The following CNBD1 variants were observed in gnomAD, a reference collection of about 807,000 sequenced individuals.
CNBD1 encodes cyclic nucleotide binding domain containing 1.
In CNBD1, 71 loss-of-function variants were observed where a neutral mutation model predicts 54.4. That is an observed-to-expected ratio of 1.30 (90% CI 1.08 to 1.59). CNBD1 has a LOEUF of 1.59. CNBD1 is among the 40% of genes most tolerant of loss of function. CNBD1 has a pLI of 0.00. For missense variants in CNBD1, 659 were observed against 518.0 expected (o/e 1.27, Z -2.64); for synonymous variants, 182 against 170.7 (o/e 1.07, Z -0.51).
intron 3 of CNBD1, among the ~76,000 whole-genome samples, chr8:86,923,802 T>A (rs1430827451): frequency 6.6e-6 from 1 of 152,108 alleles, no homozygotes; most frequent in Non-Finnish European, 1.5e-5. Context: ...AGCCATAGAA[T>A]AAAGAGAGCA....
intron 4 of CNBD1, among the ~76,000 whole-genome samples, chr8:87,156,383 T>TA (rs1812742626): frequency 6.6e-6 from 1 of 150,582 alleles, no homozygotes; most frequent in East Asian, 2.0e-4. Flanking sequence ...TAGCTGGAAT[T>TA]ACAGGCACGT....
At chr8:87,361,044 T>A (rs563490434) in intron 10 of CNBD1, among the ~76,000 whole-genome samples, 82 of 152,032 alleles carry the variant, frequency 5.4e-4, no homozygotes, top group African/African-American at 2.0e-3. Flanking sequence ...ACAAAACTAA[T>A]AAAAAGGATT....
At chr8:87,397,344 T>A (rs1811428186) in intron 2 of CNBD1, among the ~76,000 whole-genome samples, 1 of 151,970 alleles carries the variant, frequency 6.6e-6, no homozygotes, top group Admixed American at 6.6e-5. Context: ...TCATCCATCA[T>A]CTTGACCCAG....
At chr8:86,878,122 G>GAC in intron 1 of CNBD1, among the ~76,000 whole-genome samples, 1 of 151,538 alleles carries the variant, frequency 6.6e-6, no homozygotes, top group Non-Finnish European at 1.5e-5. Context: ...GAGAGAGAGA[G>GAC]AGAGAGAGAC....
At chr8:86,926,231 T>C (rs1347521216) in intron 3 of CNBD1, among the ~76,000 whole-genome samples, 1 of 152,112 alleles carries the variant, frequency 6.6e-6, no homozygotes, top group Non-Finnish European at 1.5e-5. Flanking sequence ...TCAACTGCTG[T>C]TGAGAACTGG....
intron 5 of CNBD1, among the ~76,000 whole-genome samples, chr8:87,226,241 T>G (rs1286456953): frequency 6.6e-6 from 1 of 151,720 alleles, no homozygotes. Context: ...TCTATTTCCT[T>G]CAGTTCTGCT....
At chr8:87,277,138 G>T (rs917785880) in intron 6 of CNBD1, among the ~76,000 whole-genome samples, 3 of 151,372 alleles carry the variant, frequency 2.0e-5, no homozygotes, top group South Asian at 2.1e-4. Context: ...ATTAGCTCAG[G>T]TAATTATGGA....
chr8:86,904,152 A>G (rs944272805), intron 2 of CNBD1, among the ~76,000 whole-genome samples: 2 of 152,074 alleles, frequency 1.3e-5, no homozygotes, highest in African/African-American at 4.8e-5. Flanking sequence ...ATTATTTACA[A>G]TGAAAATGAA....
chr8:87,259,205 A>G (rs1808085254), intron 6 of CNBD1, among the ~76,000 whole-genome samples: 1 of 152,158 alleles, frequency 6.6e-6, no homozygotes, highest in South Asian at 2.1e-4. Flanking sequence ...GACTTGTCCT[A>G]AACATCCCTC....
chr8:86,907,481 A>G (rs934777543), intron 3 of CNBD1, among the ~76,000 whole-genome samples: 1 of 151,974 alleles, frequency 6.6e-6, no homozygotes, highest in South Asian at 2.1e-4. Context: ...CATCCTGGCC[A>G]ACATGGTGAA....
intron 2 of CNBD1, among the ~76,000 whole-genome samples, chr8:87,389,050 G>A (rs913556406): frequency 6.6e-6 from 1 of 151,984 alleles, no homozygotes; most frequent in Non-Finnish European, 1.5e-5. Flanking sequence ...GAACTCAAGA[G>A]CCCTTGATGC....
chr8:86,962,703 A>G (rs1463394187), intron 4 of CNBD1, among the ~76,000 whole-genome samples: 2 of 152,014 alleles, frequency 1.3e-5, no homozygotes, highest in African/African-American at 2.4e-5. Context: ...GGAGAATGGC[A>G]TGAACCTGGG....
intron 1 of CNBD1, among the ~76,000 whole-genome samples, chr8:86,886,230 A>G (rs1033638717): frequency 1.3e-5 from 2 of 152,182 alleles, no homozygotes; most frequent in African/African-American, 4.8e-5. Context: ...ATCTATGATT[A>G]AGATTTTATA....
chr8:87,228,020 C>A (rs1175844969), intron 5 of CNBD1, among the ~76,000 whole-genome samples: 1 of 151,648 alleles, frequency 6.6e-6, no homozygotes, highest in African/African-American at 2.4e-5. Context: ...CCCTTTCTTC[C>A]AGTTGATCGC....
intron 10 of CNBD1, among the ~76,000 whole-genome samples, chr8:87,367,223 T>G (rs543391888): frequency 5.9e-5 from 9 of 152,098 alleles, no homozygotes; most frequent in Non-Finnish European, 1.2e-4. Flanking sequence ...CAGCCACTTA[T>G]GTAGCTTGTT....
chr8:87,371,784 A>G (rs1470866086), intron 10 of CNBD1, among the ~76,000 whole-genome samples: 2 of 152,002 alleles, frequency 1.3e-5, no homozygotes, highest in Non-Finnish European at 2.9e-5. Flanking sequence ...ACAAAATTCA[A>G]CAACCCTTCA....
intron 5 of CNBD1, among the ~76,000 whole-genome samples, chr8:87,223,469 C>A (rs1184339731): frequency 6.7e-6 from 1 of 150,158 alleles, no homozygotes; most frequent in Non-Finnish European, 1.5e-5. Flanking sequence ...TCAATTCCCA[C>A]CTATGAGTGA....
chr8:87,383,135 C>A (rs1250618350), downstream of CNBD1, among the ~76,000 whole-genome samples: 4 of 151,858 alleles, frequency 2.6e-5, no homozygotes, highest in East Asian at 3.9e-4. Flanking sequence ...AGACCTTGTG[C>A]TTTTTTCATC....
chr8:87,428,471 A>ATT (rs1808087387), intron 2 of CNBD1: 1 of 279,838 alleles, frequency 3.6e-6, no homozygotes, highest in Admixed American at 5.0e-5. Context: ...TGATAAAAAT[A>ATT]GGATTAGCAA....
Sources: gnomAD v4.1 joint callset for allele counts (sites outside exome capture counted in the v4.1 genomes callset) on GRCh38, gnomAD v4.1.1 for gene constraint, MANE v1.5 for transcripts, NCBI Gene and HGNC (gene_info 2026-07-23, HGNC 2026-07-21) for gene names.